Variants in TCF12 observed in about 807,000 individuals in gnomAD.
The protein encoded by TCF12 is DNA-binding protein HTF4.
A neutral mutation model predicts 86.0 loss-of-function variants in TCF12; 45 were observed. The observed-to-expected ratio is 0.52, with a 90% confidence interval of 0.41 to 0.67. The LOEUF (loss-of-function observed/expected upper bound fraction) is 0.67, where lower values mean the gene tolerates loss of function less well. Among genes scored for constraint, TCF12 ranks in the 30% least tolerant of loss-of-function variants. The pLI is 0.00. For synonymous variants in TCF12, 330 were observed against 299.6 expected, an observed-to-expected ratio of 1.10 and a Z score of -1.05; for missense variants, 881 against 859.9, an observed-to-expected ratio of 1.02 and a Z score of -0.31.
chr15:57,153,935 C>G (rs1229194649), intron 5 of TCF12, among the ~76,000 whole-genome samples: 1 of 150,980 alleles, frequency 6.6e-6, no homozygotes, highest in Admixed American at 6.6e-5. Context: ...TTCAAGGTTG[C>G]AGTGAGCTGT....
intron 8 of TCF12, among the ~76,000 whole-genome samples, chr15:57,214,838 G>A (rs2058267305): frequency 6.6e-6 from 1 of 151,998 alleles, no homozygotes; most frequent in East Asian, 1.9e-4. Context: ...CAAAAATCAA[G>A]TCTTTGATTT....
intron 3 of TCF12, among the ~76,000 whole-genome samples, chr15:57,001,770 C>A (rs144046791): frequency 1.3e-5 from 2 of 152,110 alleles, no homozygotes; most frequent in Non-Finnish European, 2.9e-5. Context: ...GACATATTTT[C>A]GAGTGACTGG....
chr15:57,267,781 A>G (rs1274421626), intron 18 of TCF12, among the ~76,000 whole-genome samples: 1 of 152,242 alleles, frequency 6.6e-6, no homozygotes, highest in African/African-American at 2.4e-5. Flanking sequence ...ATAGGTTAAT[A>G]ACATGACCTT....
intron 3 of TCF12, among the ~76,000 whole-genome samples, chr15:56,935,167 C>T (rs779062022): frequency 6.6e-6 from 1 of 152,172 alleles, no homozygotes; most frequent in Non-Finnish European, 1.5e-5. Context: ...TGTTGCTTTG[C>T]TACTGGACAT....
intron 3 of TCF12, among the ~76,000 whole-genome samples, chr15:56,939,009 A>T (rs1487142148): frequency 1.3e-5 from 2 of 152,072 alleles, no homozygotes; most frequent in African/African-American, 4.8e-5. Flanking sequence ...ACTGCTTTTC[A>T]ATCTGAATTG....
chr15:57,038,325 G>A (rs1041416663), intron 3 of TCF12, among the ~76,000 whole-genome samples: 5 of 152,030 alleles, frequency 3.3e-5, no homozygotes, highest in African/African-American at 1.2e-4. Context: ...CTACTCAGGG[G>A]GCTGAGACAG....
intron 3 of TCF12, among the ~76,000 whole-genome samples, chr15:56,958,119 G>A (rs769323630): frequency 6.6e-6 from 1 of 152,144 alleles, no homozygotes; most frequent in Admixed American, 6.5e-5. Flanking sequence ...GTGCCAGTTA[G>A]TACTCAAGTT....
At chr15:57,146,845 G>A (rs2053397989) in intron 5 of TCF12, among the ~76,000 whole-genome samples, 1 of 152,122 alleles carries the variant, frequency 6.6e-6, no homozygotes, top group Admixed American at 6.6e-5. Flanking sequence ...TAGAGATGGT[G>A]TAACACACTG....
intron 20 of TCF12, among the ~76,000 whole-genome samples, chr15:57,283,703 G>A (rs1241405429): frequency 1.3e-5 from 2 of 152,200 alleles, no homozygotes; most frequent in East Asian, 3.8e-4. Flanking sequence ...GTTTCATTTG[G>A]TCAGTTTCGT....
intron 12 of TCF12, among the ~76,000 whole-genome samples, chr15:57,236,302 C>T (rs978274): frequency 0.39 from 59,440 of 151,982 alleles, 14,509 homozygotes; most frequent in Non-Finnish European, 0.54. Context: ...TTAGTGCACT[C>T]AAAACGTACT....
intron 6 of TCF12, among the ~76,000 whole-genome samples, chr15:57,170,721 ATT>A (rs2055357153): frequency 6.9e-4 from 18 of 26,204 alleles, no homozygotes; most frequent in Admixed American, 7.6e-4. Context: ...TAATATATAT[ATT>A]ATATATTATA....
At position 56,977,966 on chromosome 15, in the gene TCF12, C is replaced by T. The variant is rs914707010; in HGVS notation, c.148+56868C>T. The stretch of plus-strand genomic sequence containing the variant: ...TCATATGATCTGATGCTACTGGTTG[C>T]GGGACCACTCTTTGACAACCGCTGC... On this transcript the variant is annotated intron_variant, in intron 3 of 20. Coordinates refer to ENST00000333725, the MANE Select transcript of TCF12 (RefSeq NM_207037.2). 1.9e-4 allele frequency among the ~76,000 whole-genome samples: 29 copies of T among 151,910 alleles called. 1 individual carries two copies. The highest frequency in any genetic ancestry group is 6.3e-4 in the African/African-American group (26 of 41,344).
At chr15:57,138,740 A>T (rs2052742669) in intron 5 of TCF12, among the ~76,000 whole-genome samples, 1 of 152,186 alleles carries the variant, frequency 6.6e-6, no homozygotes, top group Non-Finnish European at 1.5e-5. Context: ...AACTATGTTT[A>T]TTGGGGTTCA....
At chr15:56,994,253 C>T (rs2063590684) in intron 3 of TCF12, among the ~76,000 whole-genome samples, 1 of 151,990 alleles carries the variant, frequency 6.6e-6, no homozygotes, top group African/African-American at 2.4e-5. Context: ...GGGAAAATAA[C>T]AAAGTGTTAG....
intron 3 of TCF12, among the ~76,000 whole-genome samples, chr15:57,035,405 A>C (rs1166240077): frequency 6.6e-6 from 1 of 152,166 alleles, no homozygotes; most frequent in Non-Finnish European, 1.5e-5. Flanking sequence ...CTAGAACTAC[A>C]GGTATGCACC....
chr15:57,276,119 C>T (rs1350608106), intron 19 of TCF12, among the ~76,000 whole-genome samples: 1 of 152,202 alleles, frequency 6.6e-6, no homozygotes, highest in Admixed American at 6.5e-5. Flanking sequence ...TCAGCTTAGT[C>T]AGGTCACTGT....
chr15:57,040,384 C>A (rs1187762344), intron 3 of TCF12, among the ~76,000 whole-genome samples: 1 of 152,070 alleles, frequency 6.6e-6, no homozygotes, highest in African/African-American at 2.4e-5. Context: ...TTGTCTTCAC[C>A]AGTGGATTCA....
At chr15:57,039,697 CTTACTTATT>C (rs2066767435) in intron 3 of TCF12, among the ~76,000 whole-genome samples, 1 of 152,124 alleles carries the variant, frequency 6.6e-6, no homozygotes, top group Non-Finnish European at 1.5e-5. Flanking sequence ...GTGGGTTATG[CTTACTTATT>C]AAGTCCGTAG....
At chr15:57,031,139 T>C (rs1422971311) in intron 3 of TCF12, among the ~76,000 whole-genome samples, 3 of 152,260 alleles carry the variant, frequency 2.0e-5, no homozygotes, top group African/African-American at 7.2e-5. Flanking sequence ...CACATAGTTT[T>C]AGAAATCAGA....
Sources: gnomAD v4.1 joint callset for allele counts (sites outside exome capture counted in the v4.1 genomes callset) on GRCh38, gnomAD v4.1.1 for gene constraint, MANE v1.5 for transcripts, NCBI Gene and HGNC (gene_info 2026-07-23, HGNC 2026-07-21) for gene names.